The following SCML4 variants were observed in gnomAD, a reference collection of about 807,000 sequenced individuals.
The protein encoded by SCML4 is Scm polycomb group protein like 4.
SCML4 carries 34 observed loss-of-function variants against 41.1 expected under a neutral mutation model. That is an observed-to-expected ratio of 0.83 (90% confidence interval 0.63 to 1.10). The LOEUF (loss-of-function observed/expected upper bound fraction) is 1.10, where lower values mean the gene tolerates loss of function less well. SCML4 is among the 50% of genes least tolerant of loss of function. The probability of loss-of-function intolerance (pLI) is 0.00; values close to 1 mark genes in which losing one functional copy is unlikely to be tolerated. For missense variants in SCML4, 522 were observed against 534.1 expected (o/e 0.98, Z 0.22); for synonymous variants, 214 against 220.9 (o/e 0.97, Z 0.28).
intron 3 of SCML4, among the ~76,000 whole-genome samples, chr6:107,748,501 G>A (rs1020882331): frequency 1.3e-5 from 2 of 152,194 alleles, no homozygotes; most frequent in Non-Finnish European, 2.9e-5. Context: ...GCTTAAAGAA[G>A]TTAGTAGACT....
At chr6:107,810,798 T>C (rs866251562) in intron 1 of SCML4, among the ~76,000 whole-genome samples, 5 of 152,066 alleles carry the variant, frequency 3.3e-5, no homozygotes, top group Admixed American at 6.6e-5. Context: ...TGAAATGTAA[T>C]TGGAGATAGG....
Position 107,720,557 on chromosome 6 carries a change from A to T in SCML4, c.973+146T>A, listed in dbSNP as rs148282246. ...TTTGGCTGTTTTTGAGAACCTCAAG[A>T]TCCATGAAAGGACTTGTGGAAATTT... On this transcript the variant is annotated intron_variant, in intron 6 of 7. Transcript: ENST00000369020. 11 of 1,421,202 alleles carry T rather than the reference A, an allele frequency of 7.7e-6. No homozygotes were observed. In the African/African-American group the frequency reaches 1.6e-4, roughly 20 times the overall value. 88.0% of individuals were successfully genotyped at this position (1,421,202 alleles called of 1,614,324 possible). A position where few individuals can be genotyped will look rare whatever the true frequency, so the allele number is the denominator to read the frequency against.
intron 1 of SCML4, among the ~76,000 whole-genome samples, chr6:107,802,567 CGAGGGAGG>C (rs1360884805): frequency 1.2e-5 from 1 of 82,688 alleles, no homozygotes; most frequent in Non-Finnish European, 2.4e-5. Context: ...AGCATTGGCT[CGAGGGAGG>C]GAGGGAGGAA....
chr6:107,751,635 T>A (rs1428271553), intron 2 of SCML4, among the ~76,000 whole-genome samples: 1 of 147,066 alleles, frequency 6.8e-6, no homozygotes, highest in Non-Finnish European at 1.5e-5. Context: ...TCTTTCTTTC[T>A]TTCTTTCTTT....
chr6:107,790,265 C>T (rs1782219641), intron 1 of SCML4, among the ~76,000 whole-genome samples: 1 of 152,156 alleles, frequency 6.6e-6, no homozygotes. Context: ...AATATCTTGC[C>T]TGGTGAAAAT....
intron 1 of SCML4, among the ~76,000 whole-genome samples, chr6:107,819,840 T>C (rs181967964): frequency 6.6e-6 from 1 of 152,310 alleles, no homozygotes; most frequent in Admixed American, 6.5e-5. Context: ...GCAATGTGGA[T>C]ATCAAAATCT....
At chr6:107,794,650 T>C (rs761079258) in intron 1 of SCML4, among the ~76,000 whole-genome samples, 3 of 152,144 alleles carry the variant, frequency 2.0e-5, no homozygotes, top group African/African-American at 4.8e-5. Flanking sequence ...TCTACCTGAG[T>C]GTGCGAGGCA....
chr6:107,840,917 G>A, the SCML4 span, among the ~76,000 whole-genome samples: 7 of 152,104 alleles, frequency 4.6e-5, no homozygotes, highest in African/African-American at 1.7e-4. Context: ...TTTCTCTGGG[G>A]CCCTCAGAGT....
chr6:107,709,471 C>T (rs767059749), intron 6 of SCML4, among the ~76,000 whole-genome samples: 8 of 152,214 alleles, frequency 5.3e-5, no homozygotes, highest in Non-Finnish European at 1.0e-4. Context: ...GCCTCCCTAC[C>T]TTCCCCACAT....
chr6:107,705,574 A>G (rs914003714), intron 7 of SCML4, among the ~76,000 whole-genome samples: 3 of 152,132 alleles, frequency 2.0e-5, no homozygotes, highest in Admixed American at 2.0e-4. Flanking sequence ...CCCTCCCCTC[A>G]TAGAAGGAAT....
chr6:107,756,509 T>C (rs754464490), intron 2 of SCML4, among the ~76,000 whole-genome samples: 1 of 152,170 alleles, frequency 6.6e-6, no homozygotes, highest in Non-Finnish European at 1.5e-5. Context: ...CCAGAGGAGC[T>C]TAAGGAAACA....
chr6:107,747,006 G>C (rs1778172331), intron 3 of SCML4, 117 bp from the exon 4 acceptor site: 3 of 773,840 alleles, frequency 3.9e-6, no homozygotes. Flanking sequence ...CCTTGGGAAA[G>C]CTGGCAAGGG....
At chr6:107,750,641 C>T (rs1459574003) in intron 2 of SCML4, among the ~76,000 whole-genome samples, 1 of 152,212 alleles carries the variant, frequency 6.6e-6, no homozygotes, top group Non-Finnish European at 1.5e-5. Context: ...GTGAGACTCA[C>T]ACATCCGGAG....
chr6:107,845,666 AGGGTGTTCTTT>A, the SCML4 span, among the ~76,000 whole-genome samples: 1 of 152,250 alleles, frequency 6.6e-6, no homozygotes, highest in African/African-American at 2.4e-5. Flanking sequence ...GGAATGGGCA[AGGGTGTTCTTT>A]GGAATCCTCA....
At chr6:107,789,066 ACTT>A (rs1303243498) in intron 1 of SCML4, among the ~76,000 whole-genome samples, 1 of 152,196 alleles carries the variant, frequency 6.6e-6, no homozygotes, top group Admixed American at 6.5e-5. Flanking sequence ...GCAGGTCACT[ACTT>A]CTCTGGCCCA....
chr6:107,800,244 C>T (rs557137263), intron 1 of SCML4, among the ~76,000 whole-genome samples: 1 of 152,214 alleles, frequency 6.6e-6, no homozygotes, highest in African/African-American at 2.4e-5. Context: ...AATTAAACTC[C>T]AAAAATTGTG....
chr6:107,743,867 T>C (rs1486004896), intron 5 of SCML4: 2 of 152,230 alleles, frequency 1.3e-5, no homozygotes, highest in Admixed American at 6.5e-5. Flanking sequence ...GCTGTCCTCT[T>C]GAATTGGAGA....
intron 1 of SCML4, among the ~76,000 whole-genome samples, chr6:107,816,187 G>A (rs1382719827): frequency 6.6e-6 from 1 of 152,184 alleles, no homozygotes; most frequent in Non-Finnish European, 1.5e-5. Flanking sequence ...AGTAAAAGTA[G>A]CCCCTCCTGT....
At chr6:107,817,098 A>G (rs540362700) in intron 1 of SCML4, among the ~76,000 whole-genome samples, 4 of 152,298 alleles carry the variant, frequency 2.6e-5, no homozygotes, top group Admixed American at 6.5e-5. Flanking sequence ...CTTTGGTCCA[A>G]TGGAATTTTT....
Sources: gnomAD v4.1 joint callset for allele counts (sites outside exome capture counted in the v4.1 genomes callset) on GRCh38, gnomAD v4.1.1 for gene constraint, MANE v1.5 for transcripts, NCBI Gene and HGNC (gene_info 2026-07-23, HGNC 2026-07-21) for gene names.